Variants in SERBP1 observed in about 807,000 individuals in gnomAD.
SERBP1 encodes the protein SERPINE1 mRNA-binding protein 1.
A neutral mutation model predicts 50.2 loss-of-function variants in SERBP1; 6 were observed. The ratio of observed to expected loss-of-function variants is 0.12; its 90% CI spans 0.07 to 0.24. The LOEUF is 0.24. SERBP1 is among the 10% of genes least tolerant of loss of function. The pLI is 1.00. For synonymous variants in SERBP1, 168 were observed against 182.8 expected, an observed-to-expected ratio of 0.92 and a Z score of 0.65; for missense variants, 346 against 524.9, an observed-to-expected ratio of 0.66 and a Z score of 3.33.
chr1:67,408,217 TATCTAAATAG>T lies in SERBP1; in HGVS notation c.*4980_*4989del, dbSNP rs1177688517. ...AATTGAGCACCTAGTATGAACCAATTATCTAAATAGATTTCTAAAAGTCCATAATGAATCA... is the reference window on the plus strand; with the variant it reads ...AATTGAGCACCTAGTATGAACCAATTATTTCTAAAAGTCCATAATGAATCA... On this transcript the variant is annotated 3_prime_UTR_variant, in exon 8 of 8. Coordinates refer to ENST00000361219, the MANE Select transcript of SERBP1 (RefSeq NM_001018069.2). The T allele has an allele frequency of 2.0e-5, 3 of 152,142 alleles. No individual in the cohort carries two copies. The highest frequency in any genetic ancestry group is 4.4e-5 in the Non-Finnish European group (3 of 68,028). 9.4% of individuals were successfully genotyped at this position (152,142 alleles called of 1,614,324 possible).
rs112161771 is a variant in SERBP1 at position 67,416,371 on chromosome 1, G to A, written c.952-1032C>T. Reference sequence around the variant, plus strand: ...AATCCAGATCCTCTTTTCTATTTGCGTTTAAGATACATGACCCAGTCTGGG... The same window carrying A: ...AATCCAGATCCTCTTTTCTATTTGCATTTAAGATACATGACCCAGTCTGGG... On this transcript the variant is annotated intron_variant, in intron 6 of 7. Transcript: ENST00000361219. Among the ~76,000 whole-genome samples, 672 of 152,190 alleles carry A rather than the reference G, an allele frequency of 4.4e-3. 6 individuals are homozygous for A. The highest frequency in any genetic ancestry group is 6.8e-3 in the Middle Eastern group (2 of 294).
In SERBP1 at chr1:67,424,198, A is replaced by C; in HGVS notation, c.773+2T>G. On this transcript the variant is annotated splice_donor_variant, in intron 5 of 7. Coordinates refer to ENST00000361219, the MANE Select transcript of SERBP1 (RefSeq NM_001018069.2). LOFTEE classifies it high-confidence loss of function. ...ATTACTATTACACGCAATACCACTTACTTATTTTCAGTGTCTGCCACTGGA... is the reference window on the plus strand; with the variant it reads ...ATTACTATTACACGCAATACCACTTCCTTATTTTCAGTGTCTGCCACTGGA... 1 of 1,607,906 alleles carries C rather than the reference A, an allele frequency of 6.2e-7. No individual in the cohort carries two copies.
In SERBP1 at chr1:67,409,435, G is replaced by C. The variant is rs1287551478; in HGVS notation, c.*3772C>G. ...CACACACACACCCCCACACACACCA[G>C]GTCACAGGCTGAACTTTGCTGACCC... On this transcript the variant is annotated 3_prime_UTR_variant, in exon 8 of 8. Coordinates refer to ENST00000361219, the MANE Select transcript of SERBP1 (RefSeq NM_001018069.2). 6.9e-5 allele frequency: 9 copies of C among 129,778 alleles called. No homozygotes were observed. The highest frequency in any genetic ancestry group is 2.3e-4 in the East Asian group (1 of 4,272). 8.0% of individuals were successfully genotyped at this position (129,778 alleles called of 1,614,324 possible).
intron 5 of SERBP1, among the ~76,000 whole-genome samples, chr1:67,423,325 G>A (rs191966336): frequency 1.3e-4 from 19 of 151,546 alleles, no homozygotes; most frequent in African/African-American, 4.6e-4. Context: ...GTTAGTGAAG[G>A]GCTGGGCAAG....
chr1:67,428,313 T>TA (rs1274721614), intron 1 of SERBP1, among the ~76,000 whole-genome samples: 2 of 152,248 alleles, frequency 1.3e-5, no homozygotes, highest in Non-Finnish European at 2.9e-5. Flanking sequence ...CCACATTTGT[T>TA]AACTTAAAAT....
chr1:67,420,262 A>T, intron 5 of SERBP1, 76 bp from the exon 6 acceptor site: 1 of 1,197,252 alleles, frequency 8.4e-7, no homozygotes, highest in Non-Finnish European at 1.2e-6. Flanking sequence ...TTATGATTTT[A>T]ATTGAGAAAA....
At chr1:67,424,388 C>T in intron 4 of SERBP1, 111 bp from the exon 5 acceptor site, 1 of 1,375,528 alleles carries the variant, frequency 7.3e-7, no homozygotes, top group Middle Eastern at 1.8e-4. Flanking sequence ...GTTCTTCATA[C>T]AAAAATACCA....
chr1:67,429,031 A>C (rs1667478220), intron 1 of SERBP1, among the ~76,000 whole-genome samples: 1 of 152,110 alleles, frequency 6.6e-6, no homozygotes. Context: ...AAAAATCAAG[A>C]CAATCCTGTG....
rs1666798138 is a variant in SERBP1 at position 67,410,475 on chromosome 1, G to C, written c.*2732C>G. On this transcript the variant is annotated 3_prime_UTR_variant, in exon 8 of 8. Coordinates refer to ENST00000361219, the MANE Select transcript of SERBP1 (RefSeq NM_001018069.2). ...TTTATTTAAAAAAATAAGAGTAAAG[G>C]AACTAACTAGATGTATATGGTGCCA... 1 of 151,908 alleles carries C rather than the reference G, an allele frequency of 6.6e-6. No individual in the cohort carries two copies. Among genetic ancestry groups the C allele is most frequent in the Non-Finnish European group, 1.5e-5 (1 of 67,964 alleles). The allele number at this position is 151,908 out of a possible 1,614,324, so 9.4% of individuals were successfully genotyped here.
Position 67,430,181 on chromosome 1 carries a change from TTC to T in SERBP1, c.118_119del (p.Glu40SerfsTer50), listed in dbSNP as rs1667530679. On this transcript the variant is annotated frameshift_variant, in exon 1 of 8. Coordinates refer to ENST00000361219, the MANE Select transcript of SERBP1 (RefSeq NM_001018069.2). LOFTEE classifies it high-confidence loss of function. The part of the protein sequence containing the change: ...VLKAAENKKK[E>X]AGGGGVGGPG... ...GGCCCCCAACGCCGCCCCCGCCGGC[TTC>T]TTTTTTCTTGTTCTCTGCTGCCTTC... The T allele has an allele frequency of 6.2e-7, 1 of 1,610,614 alleles. No homozygotes were observed.
At chr1:67,429,760 G>C (rs557198140) in intron 1 of SERBP1, 2 of 508,690 alleles carry the variant, frequency 3.9e-6, no homozygotes, top group Admixed American at 4.0e-5. Context: ...CACAACCTGA[G>C]GCGGGAAGGG....
At position 67,412,246 on chromosome 1, in the gene SERBP1, G is replaced by C. The variant is rs1251354660; in HGVS notation, c.*961C>G. 6.6e-6 allele frequency: 1 copy of C among 152,580 alleles called. No individual in the cohort carries two copies. Among genetic ancestry groups the C allele is most frequent in the African/African-American group, 2.4e-5 (1 of 41,416 alleles). 9.5% of individuals were successfully genotyped at this position (152,580 alleles called of 1,614,324 possible). Reference sequence around the variant, plus strand: ...TTGATTTTGGGACCTTTCACACACAGAAATCATACCAAATGGCCAGACACT... The same window carrying C: ...TTGATTTTGGGACCTTTCACACACACAAATCATACCAAATGGCCAGACACT... On this transcript the variant is annotated 3_prime_UTR_variant, in exon 8 of 8. Coordinates refer to ENST00000361219, the MANE Select transcript of SERBP1 (RefSeq NM_001018069.2).
rs1195108313 is a variant in SERBP1, at chr1:67,412,588, G to A, written c.*619C>T. ...AATTTGTTCAAGTACTGATATTTCT[G>A]TATATAAAGATTTAGCATATATATA... On this transcript the variant is annotated 3_prime_UTR_variant, in exon 8 of 8. Transcript: ENST00000361219. 6.6e-6 allele frequency: 1 copy of A among 152,546 alleles called. No homozygotes were observed. Among genetic ancestry groups the A allele is most frequent in the Non-Finnish European group, 1.5e-5 (1 of 68,036 alleles). 9.4% of individuals were successfully genotyped at this position (152,546 alleles called of 1,614,324 possible).
intron 5 of SERBP1, among the ~76,000 whole-genome samples, chr1:67,422,198 A>G (rs761442033): frequency 1.2e-4 from 18 of 152,204 alleles, no homozygotes; most frequent in Non-Finnish European, 2.1e-4. Context: ...AGTGCTCACC[A>G]TAAGAGCAAA....
chr1:67,427,448 GTTCT>G (rs945289688), intron 1 of SERBP1, among the ~76,000 whole-genome samples: 4 of 152,092 alleles, frequency 2.6e-5, no homozygotes, highest in South Asian at 2.1e-4. Flanking sequence ...CTTCACTTTG[GTTCT>G]TTCTAAGAAA....
Position 67,410,167 on chromosome 1 carries a change from TCA to T in SERBP1, c.*3038_*3039del, listed in dbSNP as rs1438966796. ...TTAGGTTCTAGTAACTTCCTATTTC[TCA>T]TTCCTTTGAACCTTTTAACACCTGT... On this transcript the variant is annotated 3_prime_UTR_variant, in exon 8 of 8. Coordinates refer to ENST00000361219, the MANE Select transcript of SERBP1 (RefSeq NM_001018069.2). 2 of 152,218 alleles carry T rather than the reference TCA, an allele frequency of 1.3e-5. No homozygotes were observed. The highest frequency in any genetic ancestry group is 6.5e-5 in the Admixed American group (1 of 15,286). 9.4% of individuals were successfully genotyped at this position (152,218 alleles called of 1,614,324 possible). A position where few individuals can be genotyped will look rare whatever the true frequency, so the allele number is the denominator to read the frequency against.
rs772978105 is a variant in SERBP1 at position 67,410,051 on chromosome 1, C to T, written c.*3156G>A. ...GTGTTTACTTTAGAAAGTAAAATTG[C>T]ATGCACCTGAGATCCCTGGAATTTG... On this transcript the variant is annotated 3_prime_UTR_variant, in exon 8 of 8. Coordinates refer to ENST00000361219, the MANE Select transcript of SERBP1 (RefSeq NM_001018069.2). 3 of 152,320 alleles carry T rather than the reference C, an allele frequency of 2.0e-5. No homozygotes were observed. The highest frequency in any genetic ancestry group is 3.4e-3 in the Middle Eastern group (1 of 294). The allele number at this position is 152,320 out of a possible 1,614,324, so 9.4% of individuals were successfully genotyped here.
Position 67,409,925 on chromosome 1 carries a change from A to G in SERBP1, c.*3282T>C, listed in dbSNP as rs912948940. The G allele has an allele frequency of 4.6e-5, 7 of 152,234 alleles. No homozygotes were observed. Among genetic ancestry groups the G allele is most frequent in the African/African-American group, 1.7e-4 (7 of 41,470 alleles). The allele number at this position is 152,234 out of a possible 1,614,324, so 9.4% of individuals were successfully genotyped here. A position where few individuals can be genotyped will look rare whatever the true frequency, so the allele number is the denominator to read the frequency against. On this transcript the variant is annotated 3_prime_UTR_variant, in exon 8 of 8. Coordinates refer to ENST00000361219, the MANE Select transcript of SERBP1 (RefSeq NM_001018069.2). ...TGAAGTTTCTGGGCTTTTCTTAGTTAACCTGAAGATCTCGCTGGTACATGT... is the reference window on the plus strand; with the variant it reads ...TGAAGTTTCTGGGCTTTTCTTAGTTGACCTGAAGATCTCGCTGGTACATGT...
intron 2 of SERBP1, 128 bp from the exon 3 acceptor site, chr1:67,425,351 A>G (rs1193892993): frequency 1.2e-6 from 1 of 846,100 alleles, no homozygotes; most frequent in Admixed American, 3.4e-5. Context: ...CATACACTTC[A>G]GAAAATTCAA....
Sources: allele counts gnomAD v4.1 joint callset (sites outside exome capture counted in the v4.1 genomes callset), GRCh38; gene constraint gnomAD v4.1.1; transcripts MANE v1.5; gene names NCBI Gene and HGNC (gene_info 2026-07-23, HGNC 2026-07-21).